The following ASPM variants were observed in gnomAD, a reference collection of about 807,000 sequenced individuals.
ASPM encodes abnormal spindle-like microcephaly-associated protein.
A neutral mutation model predicts 366.4 loss-of-function variants in ASPM; 256 were observed. The observed-to-expected ratio is 0.70, with a 90% CI of 0.63 to 0.77. The LOEUF is 0.77. ASPM is among the 30% of genes least tolerant of loss of function. ASPM has a pLI of 0.00. For missense variants in ASPM, 4,146 were observed against 4,090.4 expected, an observed-to-expected ratio of 1.01 and a Z score of -0.37; for synonymous variants, 1,414 against 1,342.9, an observed-to-expected ratio of 1.05 and a Z score of -1.16.
At chr1:197,107,034 T>C (rs1469808349) in intron 17 of ASPM, among the ~76,000 whole-genome samples, 1 of 152,004 alleles carries the variant, frequency 6.6e-6, no homozygotes, top group African/African-American at 2.4e-5. Flanking sequence ...ATGGGCGCAG[T>C]CATGGAAAGA....
rs565197700 is a variant in ASPM, at chr1:197,141,077, C to A, written c.1922-1206G>T. Among the ~76,000 whole-genome samples, 59 of 152,058 alleles carry A rather than the reference C, an allele frequency of 3.9e-4. 1 individual carries two copies. Among genetic ancestry groups the A allele is most frequent in the African/African-American group, 1.1e-3 (46 of 41,486 alleles). ...CTGCTACTAAATATAAGCAAAGAGA[C>A]AATAAGAGCAGGGGTCAGCAAACTA... On this transcript the variant is annotated intron_variant, in intron 3 of 27. Coordinates refer to ENST00000367409, the MANE Select transcript of ASPM (RefSeq NM_018136.5).
At position 197,122,440 on chromosome 1, in the gene ASPM, T is replaced by A. The variant is rs749550278; in HGVS notation, c.3546A>T (p.Ser1182=). The A allele has an allele frequency of 2.8e-5, 45 of 1,613,780 alleles. No individual in the cohort carries two copies. The highest frequency in any genetic ancestry group is 3.7e-5 in the Non-Finnish European group (44 of 1,179,848). Residue 1182 remains serine (S), a synonymous_variant, in exon 14 of 28, where the codon TCA becomes TCT. Coordinates refer to ENST00000367409, the MANE Select transcript of ASPM (RefSeq NM_018136.5). The stretch of plus-strand genomic sequence containing the variant: ...CCAGAGAACTGTCATCAGATTCAGA[T>A]GATGAATTTAATACCACTGAACCAG... ...TQTGSVVLNS[S]SESDDSSLDM...
At chr1:197,084,511 T>C (rs1656528596) in intron 27 of ASPM, 85 bp from the exon 28 acceptor site, 1 of 871,088 alleles carries the variant, frequency 1.1e-6, no homozygotes, top group Middle Eastern at 2.8e-4. Context: ...AACTAAATTG[T>C]AGCTACTCCT....
intron 17 of ASPM, among the ~76,000 whole-genome samples, chr1:197,105,951 G>A (rs1657396027): frequency 6.6e-6 from 1 of 151,978 alleles, no homozygotes; most frequent in Non-Finnish European, 1.5e-5. Context: ...AGATGTTTTA[G>A]CAATAAGACC....
At position 197,143,995 on chromosome 1, in the gene ASPM, T is replaced by A; in HGVS notation, c.403A>T (p.Ile135Leu). The stretch of plus-strand genomic sequence containing the variant: ...TGCTCTTCTGCATTTCCTAGTAATA[T>A]AGCTTGGTGTTTCAGAACATCATTT... The part of the protein sequence containing the change: ...LVNDVLKHQA[I>L]LLGNAEEQKK... The change falls in exon 2 of 28, where the codon ATA becomes TTA. Residue 135 changes from isoleucine to leucine, a missense_variant. This residue lies in a region of ASPM where 512 missense variants were observed against 471.7 expected (regional missense o/e 1.09). Coordinates refer to ENST00000367409, the MANE Select transcript of ASPM (RefSeq NM_018136.5). 1.9e-6 allele frequency: 3 copies of A among 1,609,578 alleles called. No homozygotes were observed. Among genetic ancestry groups the A allele is most frequent in the Non-Finnish European group, 2.6e-6 (3 of 1,176,078 alleles).
Position 197,124,921 on chromosome 1 carries a change from C to T in ASPM, c.3117G>A (p.Arg1039=). ...GCAACCTGAGAGTTTTTTCTCTGTGCCTATCCACAATATCCTTAGATAGAA... is the reference window on the plus strand; with the variant it reads ...GCAACCTGAGAGTTTTTTCTCTGTGTCTATCCACAATATCCTTAGATAGAA... ...NTILSKDIVD[R]HREKTLRLLW... Residue 1039 remains arginine, a synonymous_variant, in exon 12 of 28, where the codon AGG becomes AGA. Transcript: ENST00000367409. 5 of 1,612,226 alleles carry T rather than the reference C, an allele frequency of 3.1e-6. No individual in the cohort carries two copies. The highest frequency in any genetic ancestry group is 4.2e-6 in the Non-Finnish European group (5 of 1,178,504).
At chr1:197,128,323 C>T (rs1373130145) in intron 10 of ASPM, among the ~76,000 whole-genome samples, 167 bp downstream of exon 10, 14 of 138,226 alleles carry the variant, frequency 1.0e-4, no homozygotes, top group African/African-American at 3.1e-4. Flanking sequence ...CTGGACATAA[C>T]ATTGATGTAC....
Position 197,104,466 on chromosome 1 carries a change from T to C in ASPM, c.4785A>G (p.Lys1595=), listed in dbSNP as rs1350193038. 1 of 1,612,872 alleles carries C rather than the reference T, an allele frequency of 6.2e-7. No homozygotes were observed. Among genetic ancestry groups the C allele is most frequent in the Non-Finnish European group, 8.5e-7 (1 of 1,179,402 alleles). The change falls in exon 18 of 28, where the codon AAA becomes AAG. Residue 1595 remains lysine (K), a synonymous_variant. Coordinates refer to ENST00000367409, the MANE Select transcript of ASPM (RefSeq NM_018136.5). Reference sequence around the variant, plus strand: ...TCTTATATTTCTGTCGTTGTTGATGTTTTCTTACATGTGCCTGAAATTTGA... The same window carrying C: ...TCTTATATTTCTGTCGTTGTTGATGCTTTCTTACATGTGCCTGAAATTTGA... ...TIIKFQAHVR[K]HQQRQKYKKM... is the part of the protein sequence containing the mutation.
chr1:197,091,118 C>T, intron 22 of ASPM, 77 bp from the exon 23 acceptor site: 2 of 1,171,040 alleles, frequency 1.7e-6, no homozygotes, highest in Non-Finnish European at 2.5e-6. Flanking sequence ...TACATTTATA[C>T]ATAAATGAAA....
chr1:197,088,513 A>G, intron 25 of ASPM, 81 bp from the exon 26 acceptor site: 4 of 1,406,682 alleles, frequency 2.8e-6, no homozygotes, highest in South Asian at 2.5e-5. Flanking sequence ...ACAAAATACA[A>G]AAGTCCATAC....
intron 7 of ASPM, among the ~76,000 whole-genome samples, chr1:197,130,367 CAAATTT>C (rs1443225838): frequency 6.6e-6 from 1 of 152,038 alleles, no homozygotes; most frequent in Non-Finnish European, 1.5e-5. Context: ...GCATGTTGTT[CAAATTT>C]ATTTATAACT....
chr1:197,129,625 A>T (rs1449100711), intron 8 of ASPM, among the ~76,000 whole-genome samples: 1 of 152,138 alleles, frequency 6.6e-6, no homozygotes, highest in Non-Finnish European at 1.5e-5. Context: ...TACTACATGC[A>T]GGCACCATCG....
At chr1:197,130,492 G>A (rs2125108088) in intron 7 of ASPM, among the ~76,000 whole-genome samples, 1 of 152,204 alleles carries the variant, frequency 6.6e-6, no homozygotes, top group South Asian at 2.1e-4. Flanking sequence ...AATTTGGAAA[G>A]CACAGGTCTG....
At position 197,143,698 on chromosome 1, in the gene ASPM, A is replaced by G. The variant is rs768646172; in HGVS notation, c.554T>C (p.Val185Ala). 25 of 1,613,786 alleles carry G rather than the reference A, an allele frequency of 1.5e-5. No homozygotes were observed. Among genetic ancestry groups the G allele is most frequent in the Non-Finnish European group, 2.1e-5 (25 of 1,179,906 alleles). ...TTGTAGTGGGCTCCTAACTCTGTCA[A>G]CTTTTTGGGAAACACTAAATGTTTT... ...VNKTFSVSQK[V>A]DRVRSPLQAC... Residue 185 changes from valine (V) to alanine (A), a missense_variant, in exon 3 of 28, where the codon GTT (valine) becomes GCT (alanine). Physicochemically the swap from Val to Ala is moderately conservative, Grantham distance 64 (BLOSUM62 0). Around this residue, in one of 3 missense-constraint regions of ASPM, gnomAD observed 512 missense variants for 471.7 expected, o/e 1.09. Transcript: ENST00000367409.
At position 197,084,179 on chromosome 1, in the gene ASPM, A is replaced by C. The variant is rs537891059; in HGVS notation, c.*145T>G. 8.7e-4 allele frequency: 556 copies of C among 636,694 alleles called. 6 individuals carry two copies. In the South Asian group the frequency reaches 0.01, roughly 12 times the overall value. 39.4% of individuals were successfully genotyped at this position (636,694 alleles called of 1,614,324 possible). A position where few individuals can be genotyped will look rare whatever the true frequency, so the allele number is the denominator to read the frequency against. On this transcript the variant is annotated 3_prime_UTR_variant, in exon 28 of 28. Transcript: ENST00000367409. The stretch of plus-strand genomic sequence containing the variant: ...ATGCATAAAACTATAAATGATAAAA[A>C]TGAAGAATGTAATGAACAGTTTATG...
At chr1:197,086,655 T>C (rs1241131616) in intron 27 of ASPM, 148 bp downstream of exon 27, 2 of 746,812 alleles carry the variant, frequency 2.7e-6, no homozygotes, top group African/African-American at 3.4e-5. Context: ...AGACTGCTTC[T>C]TTTAAATTTA....
At position 197,143,559 on chromosome 1, in the gene ASPM, G is replaced by A; in HGVS notation, c.693C>T (p.Cys231=). The A allele has an allele frequency of 6.2e-7, 1 of 1,613,618 alleles. No individual in the cohort carries two copies. The highest frequency in any genetic ancestry group is 8.5e-7 in the Non-Finnish European group (1 of 1,179,900). ...AGAGTGGCAAGCAAGTTGCACCATG[G>A]CATTCATTGAAAGCAGGGCTAATAG... ...ISPISPAFNE[C]HGATCLPLSV... The change falls in exon 3 of 28, where the codon TGC becomes TGT. Residue 231 remains cysteine, a synonymous_variant. Coordinates refer to ENST00000367409, the MANE Select transcript of ASPM (RefSeq NM_018136.5).
chr1:197,090,625 T>C (rs1202266554), intron 23 of ASPM, among the ~76,000 whole-genome samples: 1 of 152,090 alleles, frequency 6.6e-6, no homozygotes, highest in African/African-American at 2.4e-5. Context: ...TCTAAATTTA[T>C]TCAAAATGTT....
rs572111550 is a variant in ASPM at position 197,125,274 on chromosome 1, C to A, written c.2937-83G>T. On this transcript the variant is annotated intron_variant, in intron 10 of 27. Coordinates refer to ENST00000367409, the MANE Select transcript of ASPM (RefSeq NM_018136.5). ...TTCACTGAAATATAGTTATTTCCCA[C>A]ATAAATCCCAACAGTTACAGGGCTT... is the stretch of plus-strand genomic sequence containing the variant. 6 of 1,490,696 alleles carry A rather than the reference C, an allele frequency of 4.0e-6. No individual in the cohort carries two copies. In the African/African-American group the frequency reaches 6.9e-5, roughly 17 times the overall value. 92.3% of individuals were successfully genotyped at this position (1,490,696 alleles called of 1,614,324 possible).
Sources: gnomAD v4.1 joint callset for allele counts (sites outside exome capture counted in the v4.1 genomes callset) on GRCh38, gnomAD v4.1.1 for gene constraint, gnomAD v4.1.1 regional missense constraint, MANE v1.5 for transcripts, NCBI Gene and HGNC (gene_info 2026-07-23, HGNC 2026-07-21) for gene names.